The following SGCZ variants were observed in gnomAD, a reference collection of about 807,000 sequenced individuals.
The protein encoded by SGCZ is zeta-sarcoglycan.
In SGCZ, 40 loss-of-function variants were observed where a neutral mutation model predicts 41.3. That is an observed-to-expected ratio of 0.97 (90% CI 0.75 to 1.26). The LOEUF (loss-of-function observed/expected upper bound fraction) is 1.26, where lower values mean the gene tolerates loss of function less well. Ranked by LOEUF, SGCZ falls within the 50% of genes most tolerant of loss-of-function variation. SGCZ has a pLI of 0.00. For synonymous variants in SGCZ, 206 were observed against 137.5 expected (o/e 1.50, Z -3.49); for missense variants, 552 against 369.8 (o/e 1.49, Z -4.04).
chr8:14,773,445 A>G (rs1179552197), intron 1 of SGCZ, among the ~76,000 whole-genome samples: 1 of 152,154 alleles, frequency 6.6e-6, no homozygotes, highest in African/African-American at 2.4e-5. Context: ...TTCCAACAAG[A>G]TTATTAATAC....
chr8:14,246,470 T>G (rs1489254939), intron 3 of SGCZ, among the ~76,000 whole-genome samples: 1 of 151,502 alleles, frequency 6.6e-6, no homozygotes, highest in Non-Finnish European at 1.5e-5. Flanking sequence ...CGGGGAGGGA[T>G]AGCATTAGGA....
chr8:15,001,696 T>A (rs1802426117), intron 1 of SGCZ, among the ~76,000 whole-genome samples: 1 of 121,528 alleles, frequency 8.2e-6, no homozygotes, highest in East Asian at 2.4e-4. Context: ...ACCACTGCAC[T>A]CCAGCCTGGG....
chr8:15,215,550 G>C (rs1174977148), intron 1 of SGCZ, among the ~76,000 whole-genome samples: 1 of 152,126 alleles, frequency 6.6e-6, no homozygotes, highest in East Asian at 1.9e-4. Flanking sequence ...TTAAAGATTA[G>C]CTCAGGATGA....
At chr8:15,156,300 A>C (rs564898133) in intron 1 of SGCZ, among the ~76,000 whole-genome samples, 1 of 152,276 alleles carries the variant, frequency 6.6e-6, no homozygotes, top group Admixed American at 6.5e-5. Context: ...TAGGCAATCT[A>C]AAGTTCCTAC....
intron 1 of SGCZ, among the ~76,000 whole-genome samples, chr8:14,899,547 G>A (rs570467329): frequency 2.6e-5 from 4 of 152,288 alleles, no homozygotes; most frequent in South Asian, 4.1e-4. Context: ...AGGCAGGCTG[G>A]AAAAGGAATG....
At position 14,805,783 on chromosome 8, in the gene SGCZ, T is replaced by G. The variant is rs201848426; in HGVS notation, c.40-250857A>C. Among the ~76,000 whole-genome samples the G allele has an allele frequency of 7.0e-4, 106 of 152,006 alleles. 2 individuals are homozygous for G. In the East Asian group the frequency reaches 0.018, roughly 26 times the overall value. ...CCAAATCAACAGAATATACATTTTT[T>G]TCAGCACCACACCACACCTATTCCA... On this transcript the variant is annotated intron_variant, in intron 1 of 7. Transcript: ENST00000382080.
intron 1 of SGCZ, among the ~76,000 whole-genome samples, chr8:14,901,280 CCA>C (rs765866031): frequency 6.6e-6 from 1 of 152,078 alleles, no homozygotes; most frequent in Non-Finnish European, 1.5e-5. Context: ...TCACTGGTAA[CCA>C]CAGTTTTATT....
At chr8:14,532,256 T>G (rs1205404527) in intron 2 of SGCZ, among the ~76,000 whole-genome samples, 1 of 151,922 alleles carries the variant, frequency 6.6e-6, no homozygotes, top group Non-Finnish European at 1.5e-5. Context: ...AAAAAAAAAT[T>G]TCAATTGCAA....
chr8:14,811,545 T>TG (rs1801738369), intron 1 of SGCZ, among the ~76,000 whole-genome samples: 1 of 146,722 alleles, frequency 6.8e-6, no homozygotes, highest in Non-Finnish European at 1.5e-5. Flanking sequence ...TTTTTTTTTT[T>TG]TCGGAATCAC....
chr8:14,556,685 A>C (rs1280479772), intron 1 of SGCZ, among the ~76,000 whole-genome samples: 3 of 152,022 alleles, frequency 2.0e-5, no homozygotes, highest in Non-Finnish European at 4.4e-5. Flanking sequence ...GAGAACATGG[A>C]ATGTTTGGTT....
At chr8:14,935,517 A>G (rs748756640) in intron 1 of SGCZ, among the ~76,000 whole-genome samples, 4 of 151,940 alleles carry the variant, frequency 2.6e-5, no homozygotes, top group Non-Finnish European at 4.4e-5. Flanking sequence ...TTGGATAACA[A>G]TCATTAAAAT....
chr8:15,216,347 G>C (rs1179193748), intron 1 of SGCZ, among the ~76,000 whole-genome samples: 1 of 150,954 alleles, frequency 6.6e-6, no homozygotes, highest in Non-Finnish European at 1.5e-5. Context: ...AGCCTCCCGA[G>C]TAGCTGGGAC....
At chr8:14,164,838 T>TATC (rs1467349597) in intron 4 of SGCZ, 136 bp from the exon 5 acceptor site, 2 of 1,117,696 alleles carry the variant, frequency 1.8e-6, no homozygotes, top group African/African-American at 3.2e-5. Flanking sequence ...TCTGAGTTAG[T>TATC]ATCTTTAAAT....
intron 2 of SGCZ, among the ~76,000 whole-genome samples, chr8:14,457,881 G>A (rs6651371): frequency 2.6e-5 from 4 of 152,100 alleles, no homozygotes; most frequent in South Asian, 2.1e-4. Context: ...ACCGGTCTCC[G>A]CGCATTGGTG....
chr8:14,174,560 A>G (rs984177190), intron 4 of SGCZ, among the ~76,000 whole-genome samples: 1 of 152,192 alleles, frequency 6.6e-6, no homozygotes, highest in African/African-American at 2.4e-5. Context: ...CTCCCAAGAA[A>G]TAAAATCCCC....
chr8:14,296,183 C>G (rs918393348), intron 3 of SGCZ, among the ~76,000 whole-genome samples: 1 of 152,130 alleles, frequency 6.6e-6, no homozygotes, highest in Non-Finnish European at 1.5e-5. Flanking sequence ...AGGAGACTAA[C>G]GTCCTGCAAA....
chr8:14,406,232 G>T (rs1294306917), intron 2 of SGCZ, among the ~76,000 whole-genome samples: 2 of 152,024 alleles, frequency 1.3e-5, no homozygotes, highest in African/African-American at 4.8e-5. Context: ...TCCATCTTCC[G>T]ATGTCGGGCT....
At chr8:15,085,155 A>C (rs1443991846) in intron 1 of SGCZ, among the ~76,000 whole-genome samples, 1 of 152,182 alleles carries the variant, frequency 6.6e-6, no homozygotes, top group Non-Finnish European at 1.5e-5. Context: ...GTAGACAGCC[A>C]ATAGGAGGTG....
intron 1 of SGCZ, among the ~76,000 whole-genome samples, chr8:14,973,273 T>A: frequency 6.6e-6 from 1 of 152,072 alleles, no homozygotes; most frequent in East Asian, 1.9e-4. Context: ...TACCCCATCA[T>A]CTCCCAGTCT....
Sources: allele counts gnomAD v4.1 joint callset (sites outside exome capture counted in the v4.1 genomes callset), GRCh38; gene constraint gnomAD v4.1.1; transcripts MANE v1.5; gene names NCBI Gene and HGNC (gene_info 2026-07-23, HGNC 2026-07-21).